DCC: variants seen among roughly 807,000 people sequenced by gnomAD.
The protein encoded by DCC is netrin receptor DCC.
A neutral mutation model predicts 172.5 loss-of-function variants in DCC; 58 were observed. The observed-to-expected ratio is 0.34, with a 90% CI of 0.27 to 0.42. The LOEUF is 0.42. Ranked by LOEUF, DCC falls within the 10% of genes least tolerant of loss-of-function variation. The pLI, the probability that DCC is intolerant of heterozygous loss-of-function variation, is 1.00. For synonymous variants in DCC, 709 were observed against 644.5 expected (o/e 1.10, Z -1.52); for missense variants, 1,740 against 1,791.0 (o/e 0.97, Z 0.51).
intron 2 of DCC, among the ~76,000 whole-genome samples, chr18:52,886,187 C>A (rs911621684): frequency 1.1e-4 from 16 of 152,086 alleles, no homozygotes; most frequent in African/African-American, 2.9e-4. Context: ...CACATGCCAT[C>A]CGAATCTACT....
chr18:53,026,720 T>C (rs2041959655), intron 5 of DCC, among the ~76,000 whole-genome samples: 1 of 152,044 alleles, frequency 6.6e-6, no homozygotes, highest in Non-Finnish European at 1.5e-5. Flanking sequence ...CATACCTGAC[T>C]AAAATTTTTA....
chr18:53,108,605 T>C (rs74498264), intron 7 of DCC, among the ~76,000 whole-genome samples: 1 of 151,836 alleles, frequency 6.6e-6, no homozygotes, highest in African/African-American at 2.4e-5. Flanking sequence ...CTAACTTTTA[T>C]GAGAGTTGTA....
intron 1 of DCC, among the ~76,000 whole-genome samples, chr18:52,674,588 C>T (rs1467208949): frequency 6.6e-6 from 1 of 152,150 alleles, no homozygotes; most frequent in Non-Finnish European, 1.5e-5. Flanking sequence ...TTTCCCATCA[C>T]AAGCACAACA....
At chr18:52,817,518 T>G (rs1234517966) in intron 2 of DCC, among the ~76,000 whole-genome samples, 1 of 152,162 alleles carries the variant, frequency 6.6e-6, no homozygotes, top group African/African-American at 2.4e-5. Context: ...ATTAGGTACA[T>G]ATTTTCATAA....
At chr18:53,461,953 A>G (rs2045564612) in intron 24 of DCC, among the ~76,000 whole-genome samples, 1 of 152,230 alleles carries the variant, frequency 6.6e-6, no homozygotes, top group African/African-American at 2.4e-5. Flanking sequence ...ATTGAGAAGA[A>G]GCTGGAACAA....
In DCC at chr18:53,083,314, C is replaced by T. The variant is rs180885020; in HGVS notation, c.1261+17148C>T. On this transcript the variant is annotated intron_variant, in intron 7 of 28. Coordinates refer to ENST00000442544, the MANE Select transcript of DCC (RefSeq NM_005215.4). ...TATCCAGGTATCCTTGGGAAAGACT[C>T]AATTGGCTATAAGTAAAATTTTTGA... 2.4e-3 allele frequency among the ~76,000 whole-genome samples: 358 copies of T among 152,208 alleles called. 5 individuals carry two copies. Among genetic ancestry groups the T allele is most frequent in the Non-Finnish European group, 5.4e-4 (37 of 68,008 alleles).
At chr18:52,980,105 A>G (rs1179488599) in intron 5 of DCC, among the ~76,000 whole-genome samples, 1 of 152,070 alleles carries the variant, frequency 6.6e-6, no homozygotes, top group Admixed American at 6.6e-5. Flanking sequence ...GGAGGTTGGG[A>G]GGAGAGTGAT....
intron 7 of DCC, among the ~76,000 whole-genome samples, chr18:53,101,822 TGTGTATTTGTGTGTGTGTGC>T (rs1186937003): frequency 9.1e-6 from 1 of 110,394 alleles, no homozygotes; most frequent in African/African-American, 3.9e-5. Flanking sequence ...TGTGTGTGTG[TGTGTATTTGTGTGTGTGTGC>T]GTGTGCGTGT....
At chr18:53,145,811 G>T (rs1275399756) in intron 7 of DCC, among the ~76,000 whole-genome samples, 2 of 152,190 alleles carry the variant, frequency 1.3e-5, no homozygotes, top group African/African-American at 4.8e-5. Flanking sequence ...AGAGATGGAA[G>T]CTACTGTTGC....
intron 2 of DCC, among the ~76,000 whole-genome samples, chr18:52,861,077 T>G (rs776351616): frequency 2.6e-5 from 4 of 152,078 alleles, no homozygotes; most frequent in Non-Finnish European, 5.9e-5. Flanking sequence ...CAGGTTAGAC[T>G]TTTAAAAGCC....
At chr18:52,872,412 C>T (rs1035543280) in intron 2 of DCC, among the ~76,000 whole-genome samples, 2 of 105,222 alleles carry the variant, frequency 1.9e-5, no homozygotes, top group Non-Finnish European at 4.2e-5. Flanking sequence ...AAAGCCTCAG[C>T]GAAAGCCCAG....
At chr18:53,371,852 T>A (rs2144958873) in intron 15 of DCC, among the ~76,000 whole-genome samples, 1 of 152,086 alleles carries the variant, frequency 6.6e-6, no homozygotes, top group East Asian at 1.9e-4. Flanking sequence ...CCAACAAGCA[T>A]ATGAAACAAT....
At chr18:52,630,775 G>C (rs73955756) in intron 1 of DCC, among the ~76,000 whole-genome samples, 21 of 152,264 alleles carry the variant, frequency 1.4e-4, no homozygotes, top group African/African-American at 4.3e-4. Flanking sequence ...TATTGCAAGA[G>C]GTTACACTTA....
rs1233303556 is a variant in DCC at position 52,929,808 on chromosome 18, G to A, written c.985+4438G>A. ...AACATACACATAATCCAAAGACCTG[G>A]ACTTTGCAAACACACACACACACAC... On this transcript the variant is annotated intron_variant, in intron 5 of 28. Coordinates refer to ENST00000442544, the MANE Select transcript of DCC (RefSeq NM_005215.4). 2.2e-5 allele frequency among the ~76,000 whole-genome samples: 3 copies of A among 138,450 alleles called. No homozygotes were observed. In the East Asian group the frequency reaches 6.1e-4, roughly 28 times the overall value. 90.8% of individuals were successfully genotyped at this position (138,450 alleles called of 152,430 possible). A position where few individuals can be genotyped will look rare whatever the true frequency, so the allele number is the denominator to read the frequency against.
At chr18:52,624,523 T>C (rs1022485229) in intron 1 of DCC, among the ~76,000 whole-genome samples, 1 of 152,228 alleles carries the variant, frequency 6.6e-6, no homozygotes, top group Non-Finnish European at 1.5e-5. Context: ...TGGAACAAGC[T>C]TGTGAGTAGT....
At chr18:52,867,898 T>C (rs948504134) in intron 2 of DCC, among the ~76,000 whole-genome samples, 13 of 152,090 alleles carry the variant, frequency 8.5e-5, no homozygotes, top group African/African-American at 2.7e-4. Context: ...AGGTCAGATT[T>C]TTGCTCTTTA....
chr18:52,737,919 G>A (rs1221670884), intron 1 of DCC, among the ~76,000 whole-genome samples: 3 of 152,094 alleles, frequency 2.0e-5, no homozygotes, highest in Middle Eastern at 3.2e-3. Context: ...GATGCCCCTC[G>A]CTGTCAATCA....
chr18:52,603,892 G>A (rs989726197), intron 1 of DCC, among the ~76,000 whole-genome samples: 2 of 151,468 alleles, frequency 1.3e-5, no homozygotes, highest in Admixed American at 1.3e-4. Context: ...CTCATTTTAT[G>A]TATGTTTACT....
At chr18:53,324,845 A>G (rs1435343345) in intron 14 of DCC, among the ~76,000 whole-genome samples, 3 of 152,156 alleles carry the variant, frequency 2.0e-5, no homozygotes, top group African/African-American at 7.2e-5. Flanking sequence ...ACCCTTATGA[A>G]GTATACATTA....
Sources: gnomAD v4.1 joint callset for allele counts (sites outside exome capture counted in the v4.1 genomes callset) on GRCh38, gnomAD v4.1.1 for gene constraint, MANE v1.5 for transcripts, NCBI Gene and HGNC (gene_info 2026-07-23, HGNC 2026-07-21) for gene names.